Variants in MDGA2 observed in about 807,000 individuals in gnomAD.
MDGA2 encodes the protein MAM domain containing glycosylphosphatidylinositol anchor 2, also known as MAM domain-containing glycosylphosphatidylinositol anchor protein 2.
A neutral mutation model predicts 117.8 loss-of-function variants in MDGA2; 40 were observed. That is an observed-to-expected ratio of 0.34 (90% CI 0.26 to 0.44). The LOEUF is 0.44. Among genes scored for constraint, MDGA2 ranks in the 20% least tolerant of loss-of-function variants. The pLI is 1.00. For synonymous variants in MDGA2, 452 were observed against 439.0 expected (o/e 1.03, Z -0.37); for missense variants, 1,123 against 1,250.6 (o/e 0.90, Z 1.54).
chr14:46,948,645 C>G (rs1885259781), intron 9 of MDGA2, among the ~76,000 whole-genome samples: 1 of 152,016 alleles, frequency 6.6e-6, no homozygotes, highest in Non-Finnish European at 1.5e-5. Context: ...TTTCTATACA[C>G]TGTCCCTTCC....
intron 6 of MDGA2, among the ~76,000 whole-genome samples, chr14:47,085,785 G>T (rs1011095325): frequency 6.6e-6 from 1 of 151,932 alleles, no homozygotes; most frequent in Admixed American, 6.6e-5. Context: ...ATGTAAAAAT[G>T]TTTATTCCTA....
At chr14:46,922,204 G>A (rs564152479) in intron 9 of MDGA2, among the ~76,000 whole-genome samples, 19 of 152,156 alleles carry the variant, frequency 1.2e-4, no homozygotes, top group Admixed American at 4.6e-4. Context: ...AGTGATTTCC[G>A]AATAAAATGG....
chr14:47,504,794 C>A (rs925823308), intron 1 of MDGA2, among the ~76,000 whole-genome samples: 9 of 152,100 alleles, frequency 5.9e-5, no homozygotes, highest in African/African-American at 1.7e-4. Flanking sequence ...GGAAGTTCCA[C>A]ACAAAACTAA....
intron 2 of MDGA2, among the ~76,000 whole-genome samples, chr14:47,275,009 A>G (rs1888265392): frequency 6.7e-6 from 1 of 148,982 alleles, no homozygotes; most frequent in Non-Finnish European, 1.5e-5. Context: ...CCATTCTGTG[A>G]GGTGTTGCTT....
At chr14:46,858,105 C>A (rs1881346079) in intron 14 of MDGA2, among the ~76,000 whole-genome samples, 1 of 150,880 alleles carries the variant, frequency 6.6e-6, no homozygotes, top group Non-Finnish European at 1.5e-5. Context: ...TTGTATAGGT[C>A]ATTATGGCTC....
At chr14:47,430,169 G>C (rs1339585682) in intron 1 of MDGA2, among the ~76,000 whole-genome samples, 1 of 151,742 alleles carries the variant, frequency 6.6e-6, no homozygotes, top group African/African-American at 2.4e-5. Flanking sequence ...CTTAAGCAAG[G>C]CAGTGTTGTG....
At chr14:46,849,890 A>T (rs561797606) in intron 15 of MDGA2, among the ~76,000 whole-genome samples, 1 of 151,954 alleles carries the variant, frequency 6.6e-6, no homozygotes, top group South Asian at 2.1e-4. Context: ...GGTTTAACTA[A>T]CTTGAAGAAG....
intron 1 of MDGA2, among the ~76,000 whole-genome samples, chr14:47,514,027 G>A (rs2138699446): frequency 6.6e-6 from 1 of 152,180 alleles, no homozygotes; most frequent in Non-Finnish European, 1.5e-5. Context: ...CACCGGAGTG[G>A]GGAGTTGAAA....
At chr14:47,042,323 T>TGTG (rs1889103341) in intron 7 of MDGA2, among the ~76,000 whole-genome samples, 3 of 132,508 alleles carry the variant, frequency 2.3e-5, no homozygotes, top group Non-Finnish European at 5.0e-5. Flanking sequence ...TTTTTTTTTT[T>TGTG]TTTTTGTGTG....
At chr14:47,280,236 C>T (rs1195573994) in intron 2 of MDGA2, among the ~76,000 whole-genome samples, 1 of 144,386 alleles carries the variant, frequency 6.9e-6, no homozygotes, top group African/African-American at 2.6e-5. Context: ...ATCACTTGCA[C>T]CCGGGAGGCA....
chr14:47,656,928 A>G (rs548700203), intron 1 of MDGA2, among the ~76,000 whole-genome samples: 1 of 152,294 alleles, frequency 6.6e-6, no homozygotes, highest in African/African-American at 2.4e-5. Flanking sequence ...GAATCGATGC[A>G]TGTAACTTCC....
chr14:47,410,987 T>C (rs1892361212), intron 1 of MDGA2, among the ~76,000 whole-genome samples: 1 of 152,182 alleles, frequency 6.6e-6, no homozygotes, highest in African/African-American at 2.4e-5. Context: ...GGATTGAATC[T>C]GTGTCTTCTA....
chr14:47,351,911 A>G (rs922741102), intron 1 of MDGA2, among the ~76,000 whole-genome samples: 2 of 76,828 alleles, frequency 2.6e-5, no homozygotes, highest in Admixed American at 1.1e-4. Flanking sequence ...AAACACACAC[A>G]CACACACACA....
chr14:47,537,549 T>G (rs1242672527), intron 1 of MDGA2, among the ~76,000 whole-genome samples: 1 of 117,608 alleles, frequency 8.5e-6, no homozygotes, highest in African/African-American at 3.2e-5. Context: ...AGGGCTGCTA[T>G]TATCCACTGT....
chr14:46,937,050 T>A (rs56832900), intron 9 of MDGA2, among the ~76,000 whole-genome samples: 5,335 of 151,890 alleles, frequency 0.035, 319 homozygotes, highest in African/African-American at 0.12. Context: ...ACCTAAAGAC[T>A]CTACCAAAAA....
At chr14:47,215,120 T>C (rs1886038374) in intron 3 of MDGA2, among the ~76,000 whole-genome samples, 1 of 152,102 alleles carries the variant, frequency 6.6e-6, no homozygotes, top group African/African-American at 2.4e-5. Flanking sequence ...GAAATCAGTT[T>C]AGAAAAAGAA....
intron 1 of MDGA2, among the ~76,000 whole-genome samples, chr14:47,335,601 G>T (rs945611698): frequency 6.6e-6 from 1 of 151,220 alleles, no homozygotes; most frequent in Non-Finnish European, 1.5e-5. Flanking sequence ...CACTGAGTAA[G>T]GTAGGAAGTC....
At chr14:47,119,426 A>C (rs968514697) in intron 5 of MDGA2, among the ~76,000 whole-genome samples, 1 of 152,100 alleles carries the variant, frequency 6.6e-6, no homozygotes, top group Non-Finnish European at 1.5e-5. Flanking sequence ...ACTTGTATTC[A>C]TATCTAACAT....
At position 47,619,130 on chromosome 14, in the gene MDGA2, C is replaced by T. The variant is rs923340002; in HGVS notation, c.280+55387G>A. Among the ~76,000 whole-genome samples the T allele has an allele frequency of 4.2e-4, 55 of 131,896 alleles. 1 individual carries two copies. Among genetic ancestry groups the T allele is most frequent in the Admixed American group, 1.6e-3 (18 of 11,486 alleles). The allele number at this position is 131,896 out of a possible 152,430, so 86.5% of individuals were successfully genotyped here. A position where few individuals can be genotyped will look rare whatever the true frequency, so the allele number is the denominator to read the frequency against. On this transcript the variant is annotated intron_variant, in intron 1 of 16. Coordinates refer to ENST00000399232, the MANE Select transcript of MDGA2 (RefSeq NM_001113498.3). Reference sequence around the variant, plus strand: ...CTCAGTTTAATTACACACACACACACACACACACACACACACACACAGATA... The same window carrying T: ...CTCAGTTTAATTACACACACACACATACACACACACACACACACACAGATA...
Sources: gnomAD v4.1 joint callset for allele counts (sites outside exome capture counted in the v4.1 genomes callset) on GRCh38, gnomAD v4.1.1 for gene constraint, MANE v1.5 for transcripts, NCBI Gene and HGNC (gene_info 2026-07-23, HGNC 2026-07-21) for gene names.